DDX60: variants seen among roughly 807,000 people sequenced by gnomAD.
The protein encoded by DDX60 is probable ATP-dependent RNA helicase DDX60.
DDX60 carries 165 observed loss-of-function variants against 212.8 expected under a neutral mutation model. That is an observed-to-expected ratio of 0.78 (90% CI 0.68 to 0.88). The LOEUF is 0.88. DDX60 is among the 40% of genes least tolerant of loss of function. DDX60 has a pLI of 0.00. For missense variants in DDX60, 1,905 were observed against 2,003.9 expected, an observed-to-expected ratio of 0.95 and a Z score of 0.94; for synonymous variants, 703 against 685.3, an observed-to-expected ratio of 1.03 and a Z score of -0.40.
intron 36 of DDX60, among the ~76,000 whole-genome samples, chr4:168,221,137 AT>A (rs2071631727): frequency 1.3e-5 from 2 of 152,136 alleles, no homozygotes; most frequent in Non-Finnish European, 2.9e-5. Flanking sequence ...TAATACCTTC[AT>A]TCTATAAGGA....
At chr4:168,248,799 G>A (rs1734111197) in intron 28 of DDX60, among the ~76,000 whole-genome samples, 1 of 149,026 alleles carries the variant, frequency 6.7e-6, no homozygotes, top group South Asian at 2.1e-4. Flanking sequence ...CGCTCTTGTC[G>A]CCCAAGCTGG....
intron 36 of DDX60, among the ~76,000 whole-genome samples, chr4:168,221,164 T>C (rs963977633): frequency 6.6e-6 from 1 of 152,168 alleles, no homozygotes; most frequent in Non-Finnish European, 1.5e-5. Flanking sequence ...CAACATTTTA[T>C]GTAAAAAACA....
intron 25 of DDX60, among the ~76,000 whole-genome samples, chr4:168,257,707 T>C (rs1027511586): frequency 4.6e-5 from 7 of 152,212 alleles, no homozygotes; most frequent in Non-Finnish European, 8.8e-5. Context: ...CTACATTTTA[T>C]GTCAACCAAA....
At chr4:168,318,372 C>A (rs1422019255) in intron 1 of DDX60, among the ~76,000 whole-genome samples, 1 of 152,254 alleles carries the variant, frequency 6.6e-6, no homozygotes, top group Non-Finnish European at 1.5e-5. Context: ...ACTAAGCACT[C>A]CTCTCTGTCT....
intron 28 of DDX60, among the ~76,000 whole-genome samples, chr4:168,250,389 A>C (rs1473433864): frequency 6.6e-6 from 1 of 152,040 alleles, no homozygotes; most frequent in African/African-American, 2.4e-5. Context: ...TAAAAATACA[A>C]AATTAGCTGG....
chr4:168,224,184 C>T, intron 35 of DDX60, 59 bp downstream of exon 35: 1 of 1,580,944 alleles, frequency 6.3e-7, no homozygotes, highest in African/African-American at 1.4e-5. Context: ...AGCTGCCTAG[C>T]AATATAAATC....
chr4:168,323,955 T>C, the DDX60 span, among the ~76,000 whole-genome samples: 1 of 152,214 alleles, frequency 6.6e-6, no homozygotes, highest in Non-Finnish European at 1.5e-5. Flanking sequence ...CATATCGTGG[T>C]GGTGATTCCA....
intron 37 of DDX60, among the ~76,000 whole-genome samples, chr4:168,217,591 A>C (rs1578958376): frequency 6.6e-6 from 1 of 152,194 alleles, no homozygotes; most frequent in African/African-American, 2.4e-5. Context: ...TTATGGCTGC[A>C]GTGCGAATTA....
intron 9 of DDX60, 108 bp from the exon 10 acceptor site, chr4:168,287,311 T>G: frequency 9.3e-7 from 1 of 1,073,202 alleles, no homozygotes; most frequent in Admixed American, 2.5e-5. Context: ...ACTTTCCACA[T>G]AGTGAAATTT....
Position 168,284,791 on chromosome 4 carries a change from A to T in DDX60, c.1561+29T>A, listed in dbSNP as rs746504697. ...GAGGCAGAGAGTAAAGTAGATTTAAATTTATATCACTGGAGTCACAGAGCT... is the reference window on the plus strand; with the variant it reads ...GAGGCAGAGAGTAAAGTAGATTTAATTTTATATCACTGGAGTCACAGAGCT... On this transcript the variant is annotated intron_variant, in intron 12 of 37. Coordinates refer to ENST00000393743, the MANE Select transcript of DDX60 (RefSeq NM_017631.6). 4 of 1,136,158 alleles carry T rather than the reference A, an allele frequency of 3.5e-6. No homozygotes were observed. In the East Asian group the frequency reaches 9.8e-5, roughly 28 times the overall value. 70.4% of individuals were successfully genotyped at this position (1,136,158 alleles called of 1,614,324 possible). A position where few individuals can be genotyped will look rare whatever the true frequency, so the allele number is the denominator to read the frequency against.
intron 12 of DDX60, among the ~76,000 whole-genome samples, chr4:168,284,456 T>C (rs190338377): frequency 1.2e-4 from 19 of 152,338 alleles, no homozygotes; most frequent in Admixed American, 9.1e-4. Context: ...GCAGATAGAA[T>C]GCTGGTGCTT....
rs879075040 is a variant in DDX60 at position 168,280,677 on chromosome 4, T to C, written c.1723-87A>G. On this transcript the variant is annotated intron_variant, in intron 13 of 37. Coordinates refer to ENST00000393743, the MANE Select transcript of DDX60 (RefSeq NM_017631.6). The stretch of plus-strand genomic sequence containing the variant: ...TGAGTGAGACAATATTATGGGTGTA[T>C]TGAAGACTTTGACCATCATCCCATT... 12 of 1,401,406 alleles carry C rather than the reference T, an allele frequency of 8.6e-6. 1 individual carries two copies. In the South Asian group the frequency reaches 1.5e-4, roughly 17 times the overall value. 86.8% of individuals were successfully genotyped at this position (1,401,406 alleles called of 1,614,324 possible).
intron 12 of DDX60, among the ~76,000 whole-genome samples, chr4:168,283,839 G>A (rs1045489741): frequency 8.7e-6 from 1 of 115,416 alleles, no homozygotes; most frequent in South Asian, 2.6e-4. Flanking sequence ...GGTATCAGGT[G>A]CAACAAAAAA....
chr4:168,273,864 G>T lies in DDX60; in HGVS notation c.2454+70C>A. 2.0e-6 allele frequency: 3 copies of T among 1,521,110 alleles called. No individual in the cohort carries two copies. In the South Asian group the frequency reaches 3.8e-5, roughly 19 times the overall value. 94.2% of individuals were successfully genotyped at this position (1,521,110 alleles called of 1,614,324 possible). A position where few individuals can be genotyped will look rare whatever the true frequency, so the allele number is the denominator to read the frequency against. On this transcript the variant is annotated intron_variant, in intron 17 of 37. Transcript: ENST00000393743. ...ATAAAGTGAACTAGATCTACCATGT[G>T]ACCATGTTCATTATTTTTAAATAGT...
chr4:168,286,508 A>G (rs1253206679), intron 10 of DDX60, among the ~76,000 whole-genome samples: 1 of 150,958 alleles, frequency 6.6e-6, no homozygotes, highest in Non-Finnish European at 1.5e-5. Context: ...TTTTTATTCT[A>G]TTGAATGTCT....
chr4:168,292,429 G>A (rs963397704), intron 7 of DDX60, among the ~76,000 whole-genome samples: 9 of 152,034 alleles, frequency 5.9e-5, no homozygotes, highest in African/African-American at 2.2e-4. Flanking sequence ...ACAGATGTGA[G>A]GTAAGTGGAA....
intron 9 of DDX60, 71 bp downstream of exon 9, chr4:168,288,103 T>C: frequency 3.9e-6 from 4 of 1,025,842 alleles, no homozygotes; most frequent in Non-Finnish European, 4.1e-6. Flanking sequence ...GAAAAATTAT[T>C]TTGTAGTTTT....
intron 13 of DDX60, among the ~76,000 whole-genome samples, chr4:168,282,686 T>C (rs747595572): frequency 5.9e-5 from 9 of 152,166 alleles, no homozygotes; most frequent in African/African-American, 9.6e-5. Flanking sequence ...TAAAGCCTGA[T>C]GAGTTTTCCA....
At position 168,250,967 on chromosome 4, in the gene DDX60, T is replaced by C; in HGVS notation, c.3845A>G (p.Lys1282Arg). 1 of 1,598,880 alleles carries C rather than the reference T, an allele frequency of 6.3e-7. No individual in the cohort carries two copies. Among genetic ancestry groups the C allele is most frequent in the Non-Finnish European group, 8.5e-7 (1 of 1,173,064 alleles). ...EKQLVEILFR[K>R]GYLRVVTATG... Reference sequence around the variant, plus strand: ...AAATTCACCTACCCTAAGATATCCTTTTCTAAAGAGGATTTCAACTAATTG... The same window carrying C: ...AAATTCACCTACCCTAAGATATCCTCTTCTAAAGAGGATTTCAACTAATTG... The change falls in exon 28 of 38, where the codon AAA becomes AGA. Residue 1282 changes from lysine (K) to arginine (R), a missense_variant. Lys to Arg is a conservative substitution (Grantham distance 26, BLOSUM62 2). Coordinates refer to ENST00000393743, the MANE Select transcript of DDX60 (RefSeq NM_017631.6).
Sources: gnomAD v4.1 joint callset for allele counts (sites outside exome capture counted in the v4.1 genomes callset) on GRCh38, gnomAD v4.1.1 for gene constraint, MANE v1.5 for transcripts, NCBI Gene and HGNC (gene_info 2026-07-23, HGNC 2026-07-21) for gene names.